LRP5: variants seen among roughly 807,000 people sequenced by gnomAD.
The protein encoded by LRP5 is LDL receptor related protein 5.
LRP5 carries 62 observed loss-of-function variants against 154.1 expected under a neutral mutation model. The ratio of observed to expected loss-of-function variants is 0.40; its 90% CI spans 0.33 to 0.50. The LOEUF (loss-of-function observed/expected upper bound fraction) is 0.50. LRP5 is among the 20% of genes least tolerant of loss of function. The pLI, the probability that LRP5 is intolerant of heterozygous loss-of-function variation, is 0.55. For synonymous variants in LRP5, 966 were observed against 1,011.5 expected, an observed-to-expected ratio of 0.96 and a Z score of 0.85; for missense variants, 1,915 against 2,336.7, an observed-to-expected ratio of 0.82 and a Z score of 3.72.
intron 5 of LRP5, among the ~76,000 whole-genome samples, chr11:68,373,785 G>T (rs902525520): frequency 6.6e-6 from 1 of 152,222 alleles, no homozygotes; most frequent in Non-Finnish European, 1.5e-5. Context: ...AGTTGCCACC[G>T]CCATCCTCGG....
chr11:68,439,936 A>AGGGGC lies in LRP5; in HGVS notation c.4488+29_4488+33dup. 2.2e-6 allele frequency: 1 copy of AGGGGC among 464,504 alleles called. No individual in the cohort carries two copies. Among genetic ancestry groups the AGGGGC allele is most frequent in the South Asian group, 1.8e-5 (1 of 54,442 alleles). The allele number at this position is 464,504 out of a possible 1,614,324, so 28.8% of individuals were successfully genotyped here. A position where few individuals can be genotyped will look rare whatever the true frequency, so the allele number is the denominator to read the frequency against. On this transcript the variant is annotated intron_variant, in intron 21 of 22. Coordinates refer to ENST00000294304, the MANE Select transcript of LRP5 (RefSeq NM_002335.4). Reference sequence around the variant, plus strand: ...CCGCCGGTGAGGGGCGGGGCCGGGGAGGGGCGGGGCGGGATGGGGCTGTGG... The same window carrying AGGGGC: ...CCGCCGGTGAGGGGCGGGGCCGGGGAGGGGCGGGGCGGGGCGGGATGGGGCTGTGG...
chr11:68,409,850 C>CA (rs371789773), intron 9 of LRP5, 64 bp from the exon 10 acceptor site: 91,534 of 1,077,658 alleles, frequency 0.085, 2 homozygotes, highest in Non-Finnish European at 0.096. Context: ...AACTCCGTCT[C>CA]AAAAAAAAAA....
Position 68,448,876 on chromosome 11 carries a change from T to G in LRP5, c.4654T>G (p.Tyr1552Asp). 1 of 1,613,040 alleles carries G rather than the reference T, an allele frequency of 6.2e-7. No individual in the cohort carries two copies. Among genetic ancestry groups the G allele is most frequent in the Non-Finnish European group, 8.5e-7 (1 of 1,180,020 alleles). The change falls in exon 23 of 23, where the codon TAC becomes GAC. Residue 1552 changes from tyrosine (Y) to aspartate (D), a missense_variant. Transcript: ENST00000294304. The stretch of plus-strand genomic sequence containing the variant: ...CAGCACCGACGTGTGTGACAGCGAC[T>G]ACAGCGCCAGCCGCTGGAAGGCCAG... ...PCSTDVCDSD[Y>D]SASRWKASKY... is the part of the protein sequence containing the mutation.
At position 68,389,447 on chromosome 11, in the gene LRP5, G is replaced by A. The variant is rs541189717; in HGVS notation, c.1413-434G>A. Among the ~76,000 whole-genome samples, 7 of 151,918 alleles carry A rather than the reference G, an allele frequency of 4.6e-5. No homozygotes were observed. In the South Asian group the frequency reaches 1.5e-3, roughly 32 times the overall value. On this transcript the variant is annotated intron_variant, in intron 6 of 22. Coordinates refer to ENST00000294304, the MANE Select transcript of LRP5 (RefSeq NM_002335.4). ...ACCAACACTGACATTTACTGACACT[G>A]ATATCTACTGACACTGGCATCTACT...
intron 5 of LRP5, among the ~76,000 whole-genome samples, chr11:68,369,615 A>T (rs141843900): frequency 6.6e-6 from 1 of 152,274 alleles, no homozygotes; most frequent in African/African-American, 2.4e-5. Flanking sequence ...TCTACTAAAA[A>T]TACAAAAATT....
chr11:68,438,812 AG>A, intron 20 of LRP5, 130 bp downstream of exon 20: 1 of 785,962 alleles, frequency 1.3e-6, no homozygotes, highest in African/African-American at 1.7e-5. Context: ...AATCGATCAC[AG>A]CATTCAGCCT....
intron 1 of LRP5, among the ~76,000 whole-genome samples, chr11:68,341,986 T>C (rs561841084): frequency 2.6e-5 from 4 of 151,982 alleles, no homozygotes; most frequent in African/African-American, 9.7e-5. Context: ...TGAGTGCCCA[T>C]GGCCAGCCCC....
At chr11:68,377,622 G>A (rs138491761) in intron 5 of LRP5, among the ~76,000 whole-genome samples, 12 of 152,328 alleles carry the variant, frequency 7.9e-5, no homozygotes, top group Admixed American at 1.3e-4. Context: ...TAATCTGGCC[G>A]CCTGCCAGCT....
chr11:68,377,309 C>A (rs923218080), intron 5 of LRP5, among the ~76,000 whole-genome samples: 4 of 152,196 alleles, frequency 2.6e-5, no homozygotes, highest in African/African-American at 9.6e-5. Flanking sequence ...AGAGCAGCGA[C>A]TTTCCTGTTT....
the LRP5 span, among the ~76,000 whole-genome samples, chr11:68,307,441 G>C: frequency 6.6e-6 from 1 of 152,194 alleles, no homozygotes; most frequent in African/African-American, 2.4e-5. Flanking sequence ...GAGGAAGGTA[G>C]ATTGCTTAAG....
chr11:68,309,423 G>A (rs566280830), upstream of LRP5, among the ~76,000 whole-genome samples: 63 of 146,588 alleles, frequency 4.3e-4, no homozygotes, highest in African/African-American at 1.5e-3. Context: ...TAGTAGAAAC[G>A]GGGGTTTTAC....
At chr11:68,323,924 C>A (rs565509786) in intron 1 of LRP5, among the ~76,000 whole-genome samples, 1 of 152,354 alleles carries the variant, frequency 6.6e-6, no homozygotes, top group East Asian at 1.9e-4. Context: ...CTGTGCCTCC[C>A]CGCAGCCGCC....
intron 4 of LRP5, among the ~76,000 whole-genome samples, chr11:68,365,197 G>A (rs1326290358): frequency 6.6e-6 from 1 of 152,214 alleles, no homozygotes; most frequent in Non-Finnish European, 1.5e-5. Context: ...CCTTTGCAGA[G>A]GGGTGTCCTT....
At chr11:68,322,800 G>C (rs2098597449) in intron 1 of LRP5, among the ~76,000 whole-genome samples, 1 of 152,228 alleles carries the variant, frequency 6.6e-6, no homozygotes, top group Admixed American at 6.5e-5. Flanking sequence ...CACCTGTCTG[G>C]CTATGTGACA....
chr11:68,413,923 G>T lies in LRP5; in HGVS notation c.2738G>T (p.Cys913Phe). Residue 913 changes from cysteine to phenylalanine, a missense_variant, in exon 12 of 23, where the codon TGT becomes TTT. By Grantham distance (205) the Cys-to-Phe change is radical. This residue lies in a region of LRP5 where 1,094 missense variants were observed against 1,210.1 expected (regional missense o/e 0.90). Transcript: ENST00000294304. This position sits in a 1 kb window ranked among gnomAD's most constrained non-coding sequence, Gnocchi z 5.1. ...LNDCMHNNGQ[C>F]GQLCLAIPGG... ...GACTGTATGCACAACAACGGGCAGT[G>T]TGGGCAGCTGTGCCTTGCCATCCCC... 6.2e-7 allele frequency: 1 copy of T among 1,611,882 alleles called. No homozygotes were observed.
At chr11:68,326,731 C>G (rs927417524) in intron 1 of LRP5, among the ~76,000 whole-genome samples, 4 of 152,232 alleles carry the variant, frequency 2.6e-5, no homozygotes, top group African/African-American at 9.6e-5. Context: ...TCCTGGCCCT[C>G]CAGCTGTGAG....
chr11:68,319,493 G>A (rs1184777863), intron 1 of LRP5, among the ~76,000 whole-genome samples: 1 of 152,086 alleles, frequency 6.6e-6, no homozygotes, highest in Non-Finnish European at 1.5e-5. Flanking sequence ...GGGATTACAG[G>A]CATGAGCCGC....
chr11:68,439,898 G>A lies in LRP5; in HGVS notation c.4470G>A (p.Lys1490=). 1 of 1,542,378 alleles carries A rather than the reference G, an allele frequency of 6.5e-7. No homozygotes were observed. Among genetic ancestry groups the A allele is most frequent in the Admixed American group, 2.0e-5 (1 of 51,234 alleles). The change falls in exon 21 of 23, where the codon AAG becomes AAA. Residue 1490 remains lysine (K), a synonymous_variant. Coordinates refer to ENST00000294304, the MANE Select transcript of LRP5 (RefSeq NM_002335.4). ...CGTCCAGCAGCTCGTCCAGCACGAA[G>A]GCCACGCTGTACCCGCCGGTGAGGG... ...GASSSSSSST[K]ATLYPPILNP... is the part of the protein sequence containing the mutation.
At chr11:68,431,487 A>G (rs1435123345) in intron 17 of LRP5, among the ~76,000 whole-genome samples, 1 of 151,690 alleles carries the variant, frequency 6.6e-6, no homozygotes, top group African/African-American at 2.4e-5. Flanking sequence ...TGATCCGCCC[A>G]CCTCAGCCTC....
Sources: gnomAD v4.1 joint callset for allele counts (sites outside exome capture counted in the v4.1 genomes callset) on GRCh38, gnomAD v4.1.1 for gene constraint, gnomAD v4.1.1 regional missense constraint, Gnocchi (gnomAD v3.1) non-coding constraint, MANE v1.5 for transcripts, NCBI Gene and HGNC (gene_info 2026-07-23, HGNC 2026-07-21) for gene names.